MACROD2: variants seen among roughly 807,000 people sequenced by gnomAD.
MACROD2 encodes the protein mono-ADP ribosylhydrolase 2.
In MACROD2, 36 loss-of-function variants were observed where a neutral mutation model predicts 70.4. That is an observed-to-expected ratio of 0.51 (90% CI 0.39 to 0.68). MACROD2 has a LOEUF of 0.68. Ranked by LOEUF, MACROD2 falls within the 30% of genes least tolerant of loss-of-function variation. MACROD2 has a pLI of 0.00. For missense variants in MACROD2, 496 were observed against 538.4 expected, an observed-to-expected ratio of 0.92 and a Z score of 0.78; for synonymous variants, 172 against 178.8, an observed-to-expected ratio of 0.96 and a Z score of 0.30.
chr20:14,338,873 G>GT (rs1271555177), intron 3 of MACROD2, among the ~76,000 whole-genome samples: 1 of 152,158 alleles, frequency 6.6e-6, no homozygotes, highest in Non-Finnish European at 1.5e-5. Context: ...CTTTGTGCCC[G>GT]TAAGTTTTCC....
intron 5 of MACROD2, among the ~76,000 whole-genome samples, chr20:14,815,161 A>G (rs1483448308): frequency 6.6e-6 from 1 of 152,052 alleles, no homozygotes; most frequent in African/African-American, 2.4e-5. Context: ...TTACCCAATA[A>G]CATACTTTAA....
chr20:15,495,728 T>C (rs912525964), intron 7 of MACROD2, among the ~76,000 whole-genome samples: 2 of 152,194 alleles, frequency 1.3e-5, no homozygotes, highest in African/African-American at 4.8e-5. Flanking sequence ...GGGTTTTCAC[T>C]CTATTAAGGT....
At chr20:15,115,552 C>T (rs1359498416) in intron 5 of MACROD2, among the ~76,000 whole-genome samples, 2 of 152,126 alleles carry the variant, frequency 1.3e-5, no homozygotes, top group Non-Finnish European at 2.9e-5. Flanking sequence ...AGATTTTTCT[C>T]ATCACTAAGT....
At chr20:15,574,346 T>C (rs1422444106) in intron 8 of MACROD2, among the ~76,000 whole-genome samples, 2 of 152,186 alleles carry the variant, frequency 1.3e-5, no homozygotes, top group Non-Finnish European at 2.9e-5. Flanking sequence ...GAGTTTGGAA[T>C]ATATTCCAGA....
chr20:14,625,155 C>T (rs533932378), intron 4 of MACROD2, among the ~76,000 whole-genome samples: 9 of 151,906 alleles, frequency 5.9e-5, no homozygotes, highest in South Asian at 2.1e-4. Context: ...CATGAAACCC[C>T]GTCTCTACTA....
chr20:15,995,918 G>A (rs1429760144), intron 15 of MACROD2, among the ~76,000 whole-genome samples: 2 of 151,446 alleles, frequency 1.3e-5, no homozygotes, highest in East Asian at 1.9e-4. Context: ...GCATCTATGG[G>A]CACTTAGGTT....
chr20:15,060,365 C>T (rs763221694), intron 5 of MACROD2, among the ~76,000 whole-genome samples: 31 of 152,172 alleles, frequency 2.0e-4, no homozygotes, highest in Non-Finnish European at 4.1e-4. Flanking sequence ...TACTCTCCTC[C>T]ACCCTGCGTC....
chr20:14,037,077 A>AT (rs1195123624), intron 2 of MACROD2, among the ~76,000 whole-genome samples: 1 of 152,208 alleles, frequency 6.6e-6, no homozygotes, highest in African/African-American at 2.4e-5. Flanking sequence ...CAGATGTGGC[A>AT]TAACATGGTT....
chr20:16,025,716 G>A (rs75268549), intron 15 of MACROD2, among the ~76,000 whole-genome samples: 5,909 of 152,240 alleles, frequency 0.039, 323 homozygotes, highest in East Asian at 0.16. Flanking sequence ...AAACCATAAA[G>A]CCTTGTGCTG....
intron 2 of MACROD2, among the ~76,000 whole-genome samples, chr20:14,028,942 G>A (rs2053214997): frequency 6.6e-6 from 1 of 152,142 alleles, no homozygotes; most frequent in Non-Finnish European, 1.5e-5. Flanking sequence ...GTGCAGTTAG[G>A]AAAGTTGATG....
At chr20:14,279,848 T>C (rs568115890) in intron 3 of MACROD2, among the ~76,000 whole-genome samples, 89 of 152,266 alleles carry the variant, frequency 5.8e-4, no homozygotes, top group African/African-American at 2.0e-3. Context: ...ACTTGGGAAA[T>C]GTATGGCACT....
At chr20:15,817,146 C>G (rs1382867178) in intron 8 of MACROD2, among the ~76,000 whole-genome samples, 1 of 152,178 alleles carries the variant, frequency 6.6e-6, no homozygotes, top group African/African-American at 2.4e-5. Flanking sequence ...ATACTGTACA[C>G]AAAAGTCGCT....
chr20:14,946,069 A>C lies in MACROD2; in HGVS notation c.418+261110A>C, dbSNP rs554879776. Among the ~76,000 whole-genome samples the C allele has an allele frequency of 3.5e-3, 538 of 152,188 alleles. 6 individuals are homozygous for C. Among genetic ancestry groups the C allele is most frequent in the African/African-American group, 0.012 (511 of 41,552 alleles). On this transcript the variant is annotated intron_variant, in intron 5 of 17. Coordinates refer to ENST00000684519, the MANE Select transcript of MACROD2 (RefSeq NM_001351661.2). ...CTAAAATTAGCCGGGCATATTGGCG[A>C]GTGCCTGTAATCCCAGCTACTGGGG...
In MACROD2 at chr20:14,857,745, CATT is replaced by C. The variant is rs554367728; in HGVS notation, c.418+172788_418+172790del. On this transcript the variant is annotated intron_variant, in intron 5 of 17. Coordinates refer to ENST00000684519, the MANE Select transcript of MACROD2 (RefSeq NM_001351661.2). ...TCACATTAAGTTCAATAAAATTAAACATTAATAATGAACAATTAATACCTTTGT... is the reference window on the plus strand; with the variant it reads ...TCACATTAAGTTCAATAAAATTAAACAATAATGAACAATTAATACCTTTGT... Among the ~76,000 whole-genome samples the C allele has an allele frequency of 2.5e-3, 387 of 152,266 alleles. 3 individuals are homozygous for C. The highest frequency in any genetic ancestry group is 8.8e-3 in the African/African-American group (366 of 41,566).
At chr20:14,591,173 A>T (rs1349985031) in intron 4 of MACROD2, among the ~76,000 whole-genome samples, 3 of 152,060 alleles carry the variant, frequency 2.0e-5, no homozygotes, top group South Asian at 2.1e-4. Context: ...TTAGAGGAAA[A>T]TTTTTTGGGC....
intron 5 of MACROD2, among the ~76,000 whole-genome samples, chr20:14,843,516 G>T (rs1013505245): frequency 1.3e-5 from 2 of 151,972 alleles, no homozygotes; most frequent in Non-Finnish European, 2.9e-5. Flanking sequence ...GGTGAGCAAG[G>T]CAGGTAAATT....
At chr20:15,896,279 T>C (rs2064971098) in intron 10 of MACROD2, among the ~76,000 whole-genome samples, 1 of 152,176 alleles carries the variant, frequency 6.6e-6, no homozygotes, top group African/African-American at 2.4e-5. Flanking sequence ...TAGGGTTCCC[T>C]GGCCCACTTC....
chr20:14,855,597 GTTTTTTTTTTTT>G (rs71190156), intron 5 of MACROD2, among the ~76,000 whole-genome samples: 6 of 77,242 alleles, frequency 7.8e-5, no homozygotes, highest in South Asian at 5.8e-4. Flanking sequence ...ATCCTACCAA[GTTTTTTTTTTTT>G]TTTTTTTTTT....
chr20:14,633,021 G>A (rs1206527582), intron 4 of MACROD2, among the ~76,000 whole-genome samples: 2 of 152,212 alleles, frequency 1.3e-5, no homozygotes, highest in East Asian at 1.9e-4. Context: ...TCAGTGTCGC[G>A]GTGTGGAAGT....
Sources: allele counts gnomAD v4.1 joint callset (sites outside exome capture counted in the v4.1 genomes callset), GRCh38; gene constraint gnomAD v4.1.1; transcripts MANE v1.5; gene names NCBI Gene and HGNC (gene_info 2026-07-23, HGNC 2026-07-21).